SIPA1L1: variants seen among roughly 807,000 people sequenced by gnomAD.
SIPA1L1 encodes signal-induced proliferation-associated 1-like protein 1.
A neutral mutation model predicts 162.7 loss-of-function variants in SIPA1L1; 26 were observed. That is an observed-to-expected ratio of 0.16 (90% CI 0.12 to 0.22). The LOEUF (loss-of-function observed/expected upper bound fraction) is 0.22, where lower values mean the gene tolerates loss of function less well. Among genes scored for constraint, SIPA1L1 ranks in the 10% least tolerant of loss-of-function variants. The pLI is 1.00. For synonymous variants in SIPA1L1, 829 were observed against 837.4 expected (o/e 0.99, Z 0.17); for missense variants, 1,874 against 2,241.0 (o/e 0.84, Z 3.31).
At chr14:71,417,897 G>A (rs537093004) in intron 2 of SIPA1L1, among the ~76,000 whole-genome samples, 6 of 152,272 alleles carry the variant, frequency 3.9e-5, no homozygotes, top group Admixed American at 3.9e-4. Context: ...AATTGAGTTT[G>A]ACATGGCCTG....
At chr14:71,595,746 C>T (rs776130931) in intron 5 of SIPA1L1, among the ~76,000 whole-genome samples, 5 of 152,154 alleles carry the variant, frequency 3.3e-5, no homozygotes, top group Non-Finnish European at 5.9e-5. Flanking sequence ...TGGAGTTCAC[C>T]ATTTTTTCCC....
intron 2 of SIPA1L1, among the ~76,000 whole-genome samples, chr14:71,346,208 A>C (rs1271010573): frequency 6.6e-6 from 1 of 152,138 alleles, no homozygotes; most frequent in Non-Finnish European, 1.5e-5. Context: ...ACCCAGTCAA[A>C]TTTGTATAAT....
At position 71,650,419 on chromosome 14, in the gene SIPA1L1, G is replaced by A; in HGVS notation, c.1903G>A (p.Gly635Ser). The change falls in exon 8 of 24, where the codon GGC (glycine) becomes AGC (serine). Residue 635 changes from glycine (G) to serine (S), a missense_variant. Physicochemically the swap from Gly to Ser is moderately conservative, Grantham distance 56 (BLOSUM62 0). This residue lies in a region of SIPA1L1 where 685 missense variants were observed against 828.0 expected (regional missense o/e 0.83). Coordinates refer to ENST00000381232, the MANE Select transcript of SIPA1L1 (RefSeq NM_001386936.1). ...AGAGATGTACAACAATGAGTCAGCT[G>A]GCCCAGCCTTTGAAGAATTTCTTCA... is the stretch of plus-strand genomic sequence containing the variant. ...EEEMYNNESA[G>S]PAFEEFLQLL... 1 of 1,614,180 alleles carries A rather than the reference G, an allele frequency of 6.2e-7. No individual in the cohort carries two copies. Among genetic ancestry groups the A allele is most frequent in the Non-Finnish European group, 8.5e-7 (1 of 1,179,976 alleles).
chr14:71,589,360 C>T lies in SIPA1L1; in HGVS notation c.1488C>T (p.Phe496=). The change falls in exon 5 of 24, where the codon TTC becomes TTT. Residue 496 remains phenylalanine, a synonymous_variant. Coordinates refer to ENST00000381232, the MANE Select transcript of SIPA1L1 (RefSeq NM_001386936.1). The part of the protein sequence containing the change: ...DLGAYYYRKF[F]YQKEHWNYFG... ...GTGCATACTATTATAGAAAATTTTTCTACCAGAAGGGTAAGTAGAGATCCT... is the reference window on the plus strand; with the variant it reads ...GTGCATACTATTATAGAAAATTTTTTTACCAGAAGGGTAAGTAGAGATCCT... 6.2e-7 allele frequency: 1 copy of T among 1,603,442 alleles called. No individual in the cohort carries two copies. Among genetic ancestry groups the T allele is most frequent in the Non-Finnish European group, 8.5e-7 (1 of 1,172,044 alleles).
At chr14:71,452,709 T>A (rs1260294717) in intron 2 of SIPA1L1, among the ~76,000 whole-genome samples, 1 of 152,166 alleles carries the variant, frequency 6.6e-6, no homozygotes, top group African/African-American at 2.4e-5. Context: ...GTATTTTTAG[T>A]CTTGATTTTA....
At position 71,559,738 on chromosome 14, in the gene SIPA1L1, C is replaced by T. The variant is rs550361935; in HGVS notation, c.-302-27833C>T. Reference sequence around the variant, plus strand: ...TAAAAACTTTTCTGCATTTTTTCTACGAAATTAAAATGTAATTCTTAAAAT... The same window carrying T: ...TAAAAACTTTTCTGCATTTTTTCTATGAAATTAAAATGTAATTCTTAAAAT... On this transcript the variant is annotated intron_variant, in intron 4 of 23. Coordinates refer to ENST00000381232, the MANE Select transcript of SIPA1L1 (RefSeq NM_001386936.1). 1.8e-4 allele frequency among the ~76,000 whole-genome samples: 27 copies of T among 152,038 alleles called. No individual in the cohort carries two copies. In the East Asian group the frequency reaches 3.1e-3, roughly 17 times the overall value.
intron 17 of SIPA1L1, among the ~76,000 whole-genome samples, chr14:71,714,413 G>A (rs2083106391): frequency 6.6e-6 from 1 of 152,138 alleles, no homozygotes; most frequent in Non-Finnish European, 1.5e-5. Context: ...GATGTAGCAA[G>A]CCCAAATTCT....
chr14:71,348,690 T>C (rs2036412927), intron 2 of SIPA1L1, among the ~76,000 whole-genome samples: 1 of 151,768 alleles, frequency 6.6e-6, no homozygotes, highest in South Asian at 2.1e-4. Context: ...AACAAAGTGA[T>C]AACTAAAAAG....
At chr14:71,662,479 A>G (rs1596738983) in intron 10 of SIPA1L1, among the ~76,000 whole-genome samples, 1 of 152,180 alleles carries the variant, frequency 6.6e-6, no homozygotes, top group African/African-American at 2.4e-5. Flanking sequence ...TACTGCTTTT[A>G]TCTCCATTTT....
At chr14:71,732,880 G>T (rs1566759120) in intron 20 of SIPA1L1, among the ~76,000 whole-genome samples, 1 of 152,194 alleles carries the variant, frequency 6.6e-6, no homozygotes, top group African/African-American at 2.4e-5. Flanking sequence ...GGGCAGGCAT[G>T]GGCCTTCTGT....
chr14:71,653,115 A>G (rs1251303072), intron 8 of SIPA1L1, among the ~76,000 whole-genome samples: 2 of 152,000 alleles, frequency 1.3e-5, no homozygotes, highest in East Asian at 3.9e-4. Flanking sequence ...CTTGATTTTT[A>G]TGAGTCTTAT....
rs980514103 is a variant in SIPA1L1 at position 71,377,661 on chromosome 14, C to G, written c.-465+56480C>G. ...TGGAGGTTGTAGCGAGCTGAGATCA[C>G]GCCACTGCACTCCAGCGTGGGCAAC... On this transcript the variant is annotated intron_variant, in intron 2 of 23. Transcript: ENST00000381232. The surrounding 1 kb of genome is among the most constrained non-coding windows in gnomAD (Gnocchi z 4.8). Among the ~76,000 whole-genome samples the G allele has an allele frequency of 6.6e-6, 1 of 152,176 alleles. No homozygotes were observed. Among genetic ancestry groups the G allele is most frequent in the Non-Finnish European group, 1.5e-5 (1 of 68,030 alleles).
chr14:71,582,380 C>T (rs1189077121), intron 4 of SIPA1L1, among the ~76,000 whole-genome samples: 2 of 151,984 alleles, frequency 1.3e-5, no homozygotes, highest in Non-Finnish European at 2.9e-5. Context: ...GTAACTTGTT[C>T]CCGCATTCTT....
At chr14:71,698,906 A>G (rs2081867849) in intron 13 of SIPA1L1, 75 bp from the exon 14 acceptor site, 6 of 1,475,524 alleles carry the variant, frequency 4.1e-6, no homozygotes, top group South Asian at 1.2e-5. Context: ...CATTTATATG[A>G]TATTATCCAT....
At chr14:71,585,104 T>C (rs1184672054) in intron 4 of SIPA1L1, among the ~76,000 whole-genome samples, 2 of 130,314 alleles carry the variant, frequency 1.5e-5, no homozygotes, top group East Asian at 5.2e-4. Context: ...GTTTATATTG[T>C]ACCCCAAAGG....
intron 2 of SIPA1L1, among the ~76,000 whole-genome samples, chr14:71,372,428 T>C (rs751304017): frequency 3.9e-5 from 6 of 152,206 alleles, no homozygotes; most frequent in Admixed American, 6.5e-5. Context: ...TTTTTTGAGA[T>C]GACATTCCTC....
intron 4 of SIPA1L1, among the ~76,000 whole-genome samples, chr14:71,559,137 A>C (rs1295531894): frequency 6.8e-6 from 1 of 147,564 alleles, no homozygotes; most frequent in East Asian, 2.0e-4. Context: ...GCGCTATCTC[A>C]GCTCATTGCA....
intron 2 of SIPA1L1, among the ~76,000 whole-genome samples, chr14:71,432,233 CCTGA>C (rs1567016017): frequency 1.3e-5 from 2 of 151,984 alleles, no homozygotes; most frequent in Admixed American, 6.6e-5. Context: ...TGCCACCTTG[CCTGA>C]CTAATTTTTT....
Position 71,429,531 on chromosome 14 carries a change from T to G in SIPA1L1, c.-464-83212T>G, listed in dbSNP as rs558434455. Among the ~76,000 whole-genome samples the G allele has an allele frequency of 1.6e-3, 246 of 152,246 alleles. 1 individual carries two copies. The highest frequency in any genetic ancestry group is 2.7e-3 in the Non-Finnish European group (181 of 68,022). ...TTTTTTTTTTCTTCATTTTTCCCAT[T>G]GCTGAACTTCTAGATTGTTTCTGAT... On this transcript the variant is annotated intron_variant, in intron 2 of 23. Coordinates refer to ENST00000381232, the MANE Select transcript of SIPA1L1 (RefSeq NM_001386936.1).
Sources: gnomAD v4.1 joint callset for allele counts (sites outside exome capture counted in the v4.1 genomes callset) on GRCh38, gnomAD v4.1.1 for gene constraint, gnomAD v4.1.1 regional missense constraint, Gnocchi (gnomAD v3.1) non-coding constraint, MANE v1.5 for transcripts, NCBI Gene and HGNC (gene_info 2026-07-23, HGNC 2026-07-21) for gene names.